The following SLC20A2 variants were observed in gnomAD, a reference collection of about 807,000 sequenced individuals.
The protein encoded by SLC20A2 is solute carrier family 20 member 2, also known as sodium-dependent phosphate transporter 2.
SLC20A2 carries 30 observed loss-of-function variants against 61.0 expected under a neutral mutation model. The ratio of observed to expected loss-of-function variants is 0.49; its 90% confidence interval spans 0.37 to 0.67. The LOEUF is 0.67. SLC20A2 is among the 30% of genes least tolerant of loss of function. SLC20A2 has a pLI of 0.00. For synonymous variants in SLC20A2, 351 were observed against 353.3 expected (o/e 0.99, Z 0.07); for missense variants, 626 against 866.4 (o/e 0.72, Z 3.48).
At chr8:42,488,011 G>T (rs550581145) in intron 1 of SLC20A2, among the ~76,000 whole-genome samples, 4 of 152,140 alleles carry the variant, frequency 2.6e-5, no homozygotes, top group Non-Finnish European at 4.4e-5. Flanking sequence ...GTCCTTTTGT[G>T]ACTGGCTTAT....
intron 5 of SLC20A2, among the ~76,000 whole-genome samples, chr8:42,445,710 A>G (rs928169513): frequency 1.3e-5 from 2 of 151,880 alleles, no homozygotes; most frequent in East Asian, 3.9e-4. Context: ...CTGGGCAACA[A>G]GAGTAAAACT....
At chr8:42,470,845 AC>A (rs1023106643) in intron 2 of SLC20A2, among the ~76,000 whole-genome samples, 1 of 151,916 alleles carries the variant, frequency 6.6e-6, no homozygotes, top group Non-Finnish European at 1.5e-5. Flanking sequence ...GCGGTGGCAC[AC>A]GCCTTTAGTC....
intron 10 of SLC20A2, among the ~76,000 whole-genome samples, chr8:42,428,252 G>A (rs1489177421): frequency 6.6e-6 from 1 of 152,244 alleles, no homozygotes; most frequent in African/African-American, 2.4e-5. Flanking sequence ...GCAGTGGTCA[G>A]TATCAGCAAT....
intron 5 of SLC20A2, among the ~76,000 whole-genome samples, chr8:42,449,418 T>C (rs1805479331): frequency 6.6e-6 from 1 of 152,238 alleles, no homozygotes; most frequent in African/African-American, 2.4e-5. Context: ...CCCAAAAGAT[T>C]AGACGAATAT....
intron 1 of SLC20A2, among the ~76,000 whole-genome samples, chr8:42,495,076 C>T (rs1231611859): frequency 1.3e-5 from 2 of 151,578 alleles, no homozygotes; most frequent in African/African-American, 4.8e-5. Flanking sequence ...AGAATGGTCT[C>T]GATCTCCTGA....
At chr8:42,436,026 G>C (rs1804221334) in intron 8 of SLC20A2, among the ~76,000 whole-genome samples, 6 of 152,090 alleles carry the variant, frequency 3.9e-5, no homozygotes, top group Admixed American at 3.9e-4. Flanking sequence ...TGAGACAAGA[G>C]AATCACTTGA....
chr8:42,525,883 C>G (rs1811901542), intron 1 of SLC20A2, among the ~76,000 whole-genome samples: 1 of 152,034 alleles, frequency 6.6e-6, no homozygotes, highest in Non-Finnish European at 1.5e-5. Context: ...ACAATCTGAG[C>G]AATAAATAAA....
At chr8:42,485,055 C>A in intron 1 of SLC20A2, 1 of 211,008 alleles carries the variant, frequency 4.7e-6, no homozygotes, top group Non-Finnish European at 9.7e-6. Context: ...GCTAACAGCC[C>A]AGCCTCCAGC....
intron 1 of SLC20A2, chr8:42,536,260 T>C (rs1340446926): frequency 6.6e-6 from 1 of 152,216 alleles, no homozygotes; most frequent in African/African-American, 2.4e-5. Context: ...CAGCAAGTCA[T>C]TTCATCACTG....
intron 6 of SLC20A2, among the ~76,000 whole-genome samples, chr8:42,442,466 T>C (rs1804861976): frequency 6.6e-6 from 1 of 152,242 alleles, no homozygotes; most frequent in South Asian, 2.1e-4. Context: ...TGAAAGACTG[T>C]CCTTTCTCCA....
At chr8:42,533,588 G>A (rs758712503) in intron 1 of SLC20A2, among the ~76,000 whole-genome samples, 6 of 149,116 alleles carry the variant, frequency 4.0e-5, no homozygotes, top group Middle Eastern at 3.4e-3. Flanking sequence ...AGATTGCGTC[G>A]TCATCACACT....
At chr8:42,464,844 A>G (rs1214777801) in intron 3 of SLC20A2, among the ~76,000 whole-genome samples, 1 of 151,886 alleles carries the variant, frequency 6.6e-6, no homozygotes, top group African/African-American at 2.4e-5. Context: ...GCGTGGTGGC[A>G]TGTGCCTGTA....
intron 1 of SLC20A2, among the ~76,000 whole-genome samples, chr8:42,508,865 T>A (rs367877587): frequency 1.3e-5 from 2 of 152,246 alleles, no homozygotes; most frequent in East Asian, 3.8e-4. Context: ...GCTGCTTTGA[T>A]GACTAAATTA....
At chr8:42,432,178 G>A (rs774600780) in intron 8 of SLC20A2, among the ~76,000 whole-genome samples, 1 of 152,162 alleles carries the variant, frequency 6.6e-6, no homozygotes, top group African/African-American at 2.4e-5. Flanking sequence ...TAGAACATTC[G>A]TGATTCATGG....
intron 6 of SLC20A2, among the ~76,000 whole-genome samples, chr8:42,441,442 G>A (rs968802978): frequency 1.3e-5 from 2 of 148,546 alleles, no homozygotes; most frequent in Non-Finnish European, 2.9e-5. Context: ...ATGAGTCACC[G>A]TGCCTGGGCT....
chr8:42,457,334 C>A (rs1806289979), intron 5 of SLC20A2, among the ~76,000 whole-genome samples: 1 of 152,146 alleles, frequency 6.6e-6, no homozygotes, highest in African/African-American at 2.4e-5. Flanking sequence ...GCTGCTGTTA[C>A]CTGTGACTGG....
chr8:42,443,345 C>A (rs1332706444), intron 6 of SLC20A2, among the ~76,000 whole-genome samples: 1 of 142,448 alleles, frequency 7.0e-6, no homozygotes, highest in Non-Finnish European at 1.5e-5. Context: ...GACGGAGTCT[C>A]GCTCCGTCAC....
rs1804363215 is a variant in SLC20A2, at chr8:42,437,380, G to A, written c.1132C>T (p.Arg378Trp). 3 of 1,614,060 alleles carry A rather than the reference G, an allele frequency of 1.9e-6. No homozygotes were observed. Among genetic ancestry groups the A allele is most frequent in the South Asian group, 2.2e-5 (2 of 91,084 alleles). The change falls in exon 8 of 11, where the codon CGG becomes TGG. Residue 378 changes from arginine to tryptophan, a missense_variant. Physicochemically the swap from Arg to Trp is moderately radical, Grantham distance 101. This residue lies in a region of SLC20A2 where 361 missense variants were observed against 422.3 expected (regional missense o/e 0.85). Coordinates refer to ENST00000520262, the MANE Select transcript of SLC20A2 (RefSeq NM_001257180.2). The surrounding 1 kb of genome is among the most constrained non-coding windows in gnomAD (Gnocchi z 6.4). The part of the protein sequence containing the change: ...EEKPAQESNY[R>W]LLRRNNSYTC... ...TAACTGTTGTTTCGGCGCAGCAGCC[G>A]GTAGTTGCTTTCCTGGGCTGGCTTC...
At chr8:42,496,214 T>C (rs73632729) in intron 1 of SLC20A2, among the ~76,000 whole-genome samples, 1 of 152,190 alleles carries the variant, frequency 6.6e-6, no homozygotes, top group Non-Finnish European at 1.5e-5. Flanking sequence ...GACACTTTTT[T>C]AACAGCACTG....
Sources: allele counts gnomAD v4.1 joint callset (sites outside exome capture counted in the v4.1 genomes callset), GRCh38; gene constraint gnomAD v4.1.1; regional missense constraint gnomAD v4.1.1; non-coding constraint Gnocchi (gnomAD v3.1); transcripts MANE v1.5; gene names NCBI Gene and HGNC (gene_info 2026-07-23, HGNC 2026-07-21).